The following RBFOX1 variants were observed in gnomAD, a reference collection of about 807,000 sequenced individuals.
The protein encoded by RBFOX1 is RNA binding protein fox-1 homolog 1.
A neutral mutation model predicts 57.7 loss-of-function variants in RBFOX1; 8 were observed. That is an observed-to-expected ratio of 0.14 (90% CI 0.08 to 0.25). RBFOX1 has a LOEUF of 0.25. Among genes scored for constraint, RBFOX1 ranks in the 10% least tolerant of loss-of-function variants. RBFOX1 has a pLI of 1.00. For missense variants in RBFOX1, 611 were observed against 548.5 expected, an observed-to-expected ratio of 1.11 and a Z score of -1.14; for synonymous variants, 326 against 222.4, an observed-to-expected ratio of 1.47 and a Z score of -4.15.
chr16:5,551,384 G>C (rs2045457771), intron 2 of RBFOX1, among the ~76,000 whole-genome samples: 1 of 152,298 alleles, frequency 6.6e-6, no homozygotes, highest in South Asian at 2.1e-4. Context: ...TTGTTGGACG[G>C]GACACAGCCA....
At chr16:6,265,936 C>G (rs909180257) in intron 1 of RBFOX1, among the ~76,000 whole-genome samples, 1 of 152,184 alleles carries the variant, frequency 6.6e-6, no homozygotes, top group African/African-American at 2.4e-5. Context: ...CAGCATCCTT[C>G]CTGGTATTGT....
intron 4 of RBFOX1, among the ~76,000 whole-genome samples, chr16:7,113,251 C>G (rs544949093): frequency 3.6e-4 from 55 of 152,208 alleles, no homozygotes; most frequent in African/African-American, 1.3e-3. Context: ...AATGGAGACC[C>G]AAGAGTGTAC....
chr16:6,702,643 G>A (rs780970862), intron 3 of RBFOX1, among the ~76,000 whole-genome samples: 13 of 152,128 alleles, frequency 8.5e-5, no homozygotes, highest in African/African-American at 2.9e-4. Flanking sequence ...ATACTTCTAA[G>A]ATACCCAGCC....
chr16:7,532,815 C>T (rs3785261), intron 5 of RBFOX1, among the ~76,000 whole-genome samples: 9,809 of 152,222 alleles, frequency 0.064, 501 homozygotes, highest in East Asian at 0.22. Context: ...TGACAGAGCT[C>T]GATGGCCCAC....
chr16:6,783,316 C>CTT (rs1281139249), intron 3 of RBFOX1, among the ~76,000 whole-genome samples: 1 of 141,830 alleles, frequency 7.1e-6, no homozygotes, highest in African/African-American at 2.6e-5. Context: ...TTCTCTCTTC[C>CTT]TTTTTTTTTT....
chr16:5,747,665 G>C (rs142631762), intron 3 of RBFOX1, among the ~76,000 whole-genome samples: 1 of 152,044 alleles, frequency 6.6e-6, no homozygotes. Context: ...GTTTTTTTGC[G>C]TAGAGGTGTT....
At chr16:7,464,319 A>C (rs1256971040) in intron 4 of RBFOX1, among the ~76,000 whole-genome samples, 1 of 152,182 alleles carries the variant, frequency 6.6e-6, no homozygotes, top group Non-Finnish European at 1.5e-5. Flanking sequence ...AAACACAGTA[A>C]AATGATCACC....
At chr16:7,409,129 G>C (rs887116982) in intron 4 of RBFOX1, among the ~76,000 whole-genome samples, 1 of 152,212 alleles carries the variant, frequency 6.6e-6, no homozygotes, top group Non-Finnish European at 1.5e-5. Flanking sequence ...CAGATCAGCA[G>C]AATCCGGCCT....
At chr16:5,433,740 G>C (rs1202022237) in intron 1 of RBFOX1, among the ~76,000 whole-genome samples, 4 of 152,156 alleles carry the variant, frequency 2.6e-5, no homozygotes. Flanking sequence ...TCCCCTCCCT[G>C]CTCCATGGGA....
At position 6,641,734 on chromosome 16, in the gene RBFOX1, C is replaced by CAAAAAAAA. The variant is rs869202831; in HGVS notation, c.-63-12832_-63-12825dup. ...TGGGTGACAGAGCAGGACTCCGTCTCAAAAAAAAAAAAAAAAAAAAAAAAA... is the reference window on the plus strand; with the variant it reads ...TGGGTGACAGAGCAGGACTCCGTCTCAAAAAAAAAAAAAAAAAAAAAAAAAAAAAAAAA... On this transcript the variant is annotated intron_variant, in intron 2 of 15. Coordinates refer to ENST00000550418, the MANE Select transcript of RBFOX1 (RefSeq NM_018723.4). Among the ~76,000 whole-genome samples, 56 of 68,912 alleles carry CAAAAAAAA rather than the reference C, an allele frequency of 8.1e-4. 4 individuals are homozygous for CAAAAAAAA. Among genetic ancestry groups the CAAAAAAAA allele is most frequent in the African/African-American group, 1.1e-3 (17 of 15,740 alleles). The allele number at this position is 68,912 out of a possible 152,430, so 45.2% of individuals were successfully genotyped here. A position where few individuals can be genotyped will look rare whatever the true frequency, so the allele number is the denominator to read the frequency against.
In RBFOX1 at chr16:6,212,471, C is replaced by T. The variant is rs531692110; in HGVS notation, c.-126-104524C>T. On this transcript the variant is annotated intron_variant, in intron 1 of 15. Transcript: ENST00000550418. ...CTGTAATCCCAGCACTTTGGGAGGC[C>T]GAGGTGGGCAGATCACTTGAGGTCA... 5.7e-4 allele frequency among the ~76,000 whole-genome samples: 87 copies of T among 152,060 alleles called. 2 individuals are homozygous for T. Among genetic ancestry groups the T allele is most frequent in the South Asian group, 6.2e-4 (3 of 4,804 alleles).
Position 6,019,315 on chromosome 16 carries a change from C to T in RBFOX1, c.-804C>T, listed in dbSNP as rs1346521551. On this transcript the variant is annotated 5_prime_UTR_variant, in exon 1 of 16. Transcript: ENST00000550418. The surrounding 1 kb of genome is among the most constrained non-coding windows in gnomAD (Gnocchi z 4.2). ...TTGAAGGTCACCTCCTTTCCAGTCC[C>T]CGTGCGAGCCGCGCTGCCGCCGCCT... The T allele has an allele frequency of 3.0e-6, 3 of 984,858 alleles. No individual in the cohort carries two copies. The highest frequency in any genetic ancestry group is 5.2e-4 in the Middle Eastern group (1 of 1,936). 61.0% of individuals were successfully genotyped at this position (984,858 alleles called of 1,614,324 possible).
At chr16:5,275,271 C>G (rs142482855) in intron 1 of RBFOX1, among the ~76,000 whole-genome samples, 1 of 152,110 alleles carries the variant, frequency 6.6e-6, no homozygotes, top group Non-Finnish European at 1.5e-5. Context: ...ATATTGATCA[C>G]CTCAAACATT....
rs748849904 is a variant in RBFOX1 at position 6,432,020 on chromosome 16, T to C, written c.-64+114963T>C. ...TCTATCACCAAGGCTGTAGTGCCACTGCACGACTATAGCTTATTGTAGCCT... is the reference window on the plus strand; with the variant it reads ...TCTATCACCAAGGCTGTAGTGCCACCGCACGACTATAGCTTATTGTAGCCT... On this transcript the variant is annotated intron_variant, in intron 2 of 15. Transcript: ENST00000550418. Among the ~76,000 whole-genome samples, 168 of 151,804 alleles carry C rather than the reference T, an allele frequency of 1.1e-3. 1 individual carries two copies. Among genetic ancestry groups the C allele is most frequent in the Admixed American group, 2.4e-3 (36 of 15,198 alleles).
At chr16:7,353,506 T>C (rs547005947) in intron 4 of RBFOX1, among the ~76,000 whole-genome samples, 1 of 152,312 alleles carries the variant, frequency 6.6e-6, no homozygotes, top group South Asian at 2.1e-4. Context: ...AAAACGTGTG[T>C]ACCAGTGTTT....
chr16:7,452,282 AC>A (rs2098874114), intron 4 of RBFOX1, among the ~76,000 whole-genome samples: 1 of 152,220 alleles, frequency 6.6e-6, no homozygotes, highest in Non-Finnish European at 1.5e-5. Context: ...ATGTAGCTTG[AC>A]AATTTCCATG....
intron 4 of RBFOX1, among the ~76,000 whole-genome samples, chr16:7,177,717 G>T (rs533329675): frequency 6.6e-6 from 1 of 152,148 alleles, no homozygotes. Context: ...TCTGTGAGGA[G>T]CCAGGTCATA....
intron 1 of RBFOX1, among the ~76,000 whole-genome samples, chr16:6,096,542 G>A (rs1253947202): frequency 6.6e-6 from 1 of 152,150 alleles, no homozygotes; most frequent in Non-Finnish European, 1.5e-5. Context: ...AAGAGGCTTT[G>A]TGAATTCTCT....
chr16:6,125,390 C>G (rs2096582211), intron 1 of RBFOX1, among the ~76,000 whole-genome samples: 1 of 152,146 alleles, frequency 6.6e-6, no homozygotes, highest in African/African-American at 2.4e-5. Flanking sequence ...TGGGAATGCT[C>G]TTGTTTGCCA....
Sources: allele counts gnomAD v4.1 joint callset (sites outside exome capture counted in the v4.1 genomes callset), GRCh38; gene constraint gnomAD v4.1.1; non-coding constraint Gnocchi (gnomAD v3.1); transcripts MANE v1.5; gene names NCBI Gene and HGNC (gene_info 2026-07-23, HGNC 2026-07-21).